The following CATSPERE variants were observed in gnomAD, a reference collection of about 807,000 sequenced individuals.
CATSPERE encodes cation channel sperm-associated auxiliary subunit epsilon.
In CATSPERE, 93 loss-of-function variants were observed where a neutral mutation model predicts 114.1. That is an observed-to-expected ratio of 0.81 (90% CI 0.69 to 0.97). The LOEUF is 0.97. CATSPERE is among the 50% of genes least tolerant of loss of function. The pLI is 0.00. For synonymous variants in CATSPERE, 341 were observed against 384.1 expected, an observed-to-expected ratio of 0.89 and a Z score of 1.31; for missense variants, 1,058 against 1,131.6, an observed-to-expected ratio of 0.93 and a Z score of 0.93.
At chr1:244,468,686 A>G (rs879637563) in intron 2 of CATSPERE, among the ~76,000 whole-genome samples, 10 of 152,174 alleles carry the variant, frequency 6.6e-5, no homozygotes, top group Non-Finnish European at 1.2e-4. Flanking sequence ...TGGGAGGCCA[A>G]GGCAGGTGGA....
intron 8 of CATSPERE, among the ~76,000 whole-genome samples, chr1:244,545,137 A>T (rs1572676082): frequency 6.6e-6 from 1 of 152,206 alleles, no homozygotes; most frequent in Non-Finnish European, 1.5e-5. Flanking sequence ...TAGGACATTC[A>T]CAAGCTAAAG....
intron 20 of CATSPERE, among the ~76,000 whole-genome samples, chr1:244,630,067 G>A (rs1673730555): frequency 6.6e-6 from 1 of 152,224 alleles, no homozygotes; most frequent in Admixed American, 6.5e-5. Flanking sequence ...CTCCATGACA[G>A]CAGGATCATA....
At chr1:244,463,799 A>G in intron 1 of CATSPERE, 109 bp from the exon 2 acceptor site, 1 of 938,098 alleles carries the variant, frequency 1.1e-6, no homozygotes, top group South Asian at 1.4e-5. Flanking sequence ...GGAATGAGGC[A>G]GAAAGGTGAC....
rs183342333 is a variant in CATSPERE, at chr1:244,523,032, A to C, written c.536+4334A>C. Reference sequence around the variant, plus strand: ...CCAAAGCCGGGCAGAGACACAACCAAAAAAAGAGAATTTTAGACCAATATC... The same window carrying C: ...CCAAAGCCGGGCAGAGACACAACCACAAAAAGAGAATTTTAGACCAATATC... On this transcript the variant is annotated intron_variant, in intron 8 of 21. Coordinates refer to ENST00000366534, the MANE Select transcript of CATSPERE (RefSeq NM_001130957.2). 7.1e-3 allele frequency among the ~76,000 whole-genome samples: 849 copies of C among 118,880 alleles called. 8 individuals are homozygous for C. The highest frequency in any genetic ancestry group is 0.011 in the Non-Finnish European group (651 of 59,858). The allele number at this position is 118,880 out of a possible 152,430, so 78.0% of individuals were successfully genotyped here.
intron 18 of CATSPERE, among the ~76,000 whole-genome samples, chr1:244,609,015 G>T (rs370086197): frequency 5.9e-5 from 9 of 151,888 alleles, no homozygotes; most frequent in Admixed American, 1.3e-4. Context: ...GTGAAACCCT[G>T]TCTCTACTAA....
At chr1:244,491,021 C>T (rs922825845) in intron 6 of CATSPERE, among the ~76,000 whole-genome samples, 1 of 152,078 alleles carries the variant, frequency 6.6e-6, no homozygotes, top group Non-Finnish European at 1.5e-5. Flanking sequence ...CTACTGTCAA[C>T]ATTAGACAGA....
intron 2 of CATSPERE, among the ~76,000 whole-genome samples, chr1:244,466,129 A>G (rs946896271): frequency 1.3e-5 from 2 of 152,258 alleles, no homozygotes; most frequent in Non-Finnish European, 2.9e-5. Flanking sequence ...AGTGAATCAT[A>G]TTAACATATT....
intron 8 of CATSPERE, among the ~76,000 whole-genome samples, chr1:244,528,771 A>G (rs1297151961): frequency 7.1e-6 from 1 of 140,554 alleles, no homozygotes; most frequent in East Asian, 2.0e-4. Context: ...ACTCTCCCCC[A>G]CAACAATCCC....
intron 10 of CATSPERE, among the ~76,000 whole-genome samples, chr1:244,565,586 G>C (rs1663320226): frequency 6.6e-6 from 1 of 152,088 alleles, no homozygotes; most frequent in African/African-American, 2.4e-5. Context: ...GATCAGTGGT[G>C]ATATCCCCTT....
rs1662503814 is a variant in CATSPERE, at chr1:244,561,204, T to A, written c.1507+59T>A. On this transcript the variant is annotated intron_variant, in intron 10 of 21. Transcript: ENST00000366534. ...GATTTCACTATAGACATCTTCCTTA[T>A]AATGATGTAACACTTTTTAATGTAC... is the stretch of plus-strand genomic sequence containing the variant. The A allele has an allele frequency of 3.3e-6, 4 of 1,215,194 alleles. No individual in the cohort carries two copies. In the Admixed American group the frequency reaches 7.9e-5, roughly 24 times the overall value. The allele number at this position is 1,215,194 out of a possible 1,614,324, so 75.3% of individuals were successfully genotyped here. A position where few individuals can be genotyped will look rare whatever the true frequency, so the allele number is the denominator to read the frequency against.
intron 20 of CATSPERE, among the ~76,000 whole-genome samples, chr1:244,621,052 AT>A (rs1672070914): frequency 1.2e-5 from 1 of 81,450 alleles, no homozygotes; most frequent in South Asian, 3.1e-4. Flanking sequence ...ATATATATAA[AT>A]ATATATAAAT....
chr1:244,617,097 A>T (rs1330872879), intron 19 of CATSPERE, among the ~76,000 whole-genome samples: 1 of 152,174 alleles, frequency 6.6e-6, no homozygotes, highest in African/African-American at 2.4e-5. Flanking sequence ...GATAGTTTGT[A>T]TCTTGAGACC....
At chr1:244,546,175 C>T (rs1304493164) in intron 8 of CATSPERE, among the ~76,000 whole-genome samples, 1 of 152,156 alleles carries the variant, frequency 6.6e-6, no homozygotes, top group Non-Finnish European at 1.5e-5. Flanking sequence ...AGATGCACCC[C>T]ATCACTACAC....
intron 8 of CATSPERE, among the ~76,000 whole-genome samples, chr1:244,531,808 T>C (rs1679645865): frequency 9.2e-5 from 14 of 152,210 alleles, no homozygotes; most frequent in Admixed American, 9.2e-4. Context: ...GATATGTCTT[T>C]TTCTGGATTT....
intron 8 of CATSPERE, among the ~76,000 whole-genome samples, chr1:244,539,634 A>G (rs1215933172): frequency 1.3e-5 from 2 of 150,120 alleles, no homozygotes; most frequent in Non-Finnish European, 3.0e-5. Flanking sequence ...GCTATTGATT[A>G]TTGCCACAGT....
At chr1:244,540,603 G>A (rs778217356) in intron 8 of CATSPERE, among the ~76,000 whole-genome samples, 46 of 149,614 alleles carry the variant, frequency 3.1e-4, no homozygotes, top group Non-Finnish European at 5.5e-4. Context: ...AGATTCAGGT[G>A]CCATCCCCAT....
At chr1:244,459,859 C>T (rs1666504163), upstream of CATSPERE, among the ~76,000 whole-genome samples, 1 of 152,208 alleles carries the variant, frequency 6.6e-6, no homozygotes, top group East Asian at 1.9e-4. Context: ...TCAACCAGGC[C>T]TGCATGAGTT....
intron 10 of CATSPERE, among the ~76,000 whole-genome samples, chr1:244,566,202 C>T (rs1456408220): frequency 6.6e-6 from 1 of 151,998 alleles, no homozygotes; most frequent in Non-Finnish European, 1.5e-5. Flanking sequence ...TTATGATTTC[C>T]ATTCTTTTGC....
chr1:244,481,264 A>G (rs1400131139), intron 5 of CATSPERE, among the ~76,000 whole-genome samples: 1 of 152,090 alleles, frequency 6.6e-6, no homozygotes, highest in South Asian at 2.1e-4. Flanking sequence ...CCTGGCCAAC[A>G]TGGTGAAATC....
Sources: allele counts gnomAD v4.1 joint callset (sites outside exome capture counted in the v4.1 genomes callset), GRCh38; gene constraint gnomAD v4.1.1; transcripts MANE v1.5; gene names NCBI Gene and HGNC (gene_info 2026-07-23, HGNC 2026-07-21).